Variants in SLIT1 observed in about 807,000 individuals in gnomAD.
SLIT1 encodes slit homolog 1 protein.
A neutral mutation model predicts 186.1 loss-of-function variants in SLIT1; 66 were observed. That is an observed-to-expected ratio of 0.35 (90% CI 0.29 to 0.44). SLIT1 has a LOEUF of 0.44. Ranked by LOEUF, SLIT1 falls within the 20% of genes least tolerant of loss-of-function variation. The pLI is 1.00. For synonymous variants in SLIT1, 761 were observed against 833.8 expected, an observed-to-expected ratio of 0.91 and a Z score of 1.50; for missense variants, 1,638 against 2,037.4, an observed-to-expected ratio of 0.80 and a Z score of 3.77.
At chr10:97,127,492 A>T (rs1849615349) in intron 4 of SLIT1, among the ~76,000 whole-genome samples, 1 of 152,138 alleles carries the variant, frequency 6.6e-6, no homozygotes, top group Non-Finnish European at 1.5e-5. Flanking sequence ...TAGGAAATGA[A>T]CTCAGGATCT....
intron 4 of SLIT1, among the ~76,000 whole-genome samples, chr10:97,121,898 A>G (rs938516589): frequency 1.3e-5 from 2 of 152,200 alleles, no homozygotes; most frequent in African/African-American, 4.8e-5. Context: ...GCGCTACCTG[A>G]TCATTGCTAT....
intron 1 of SLIT1, among the ~76,000 whole-genome samples, chr10:97,181,269 C>T (rs1399848162): frequency 6.6e-6 from 1 of 152,258 alleles, no homozygotes; most frequent in Non-Finnish European, 1.5e-5. Flanking sequence ...CCATGGTGGC[C>T]TGCTCAGATC....
chr10:97,059,965 T>C, intron 10 of SLIT1, 122 bp downstream of exon 10: 1 of 833,948 alleles, frequency 1.2e-6, no homozygotes, highest in Admixed American at 1.8e-5. Context: ...GAAGGTCAGG[T>C]GGCTGGCCAA....
At chr10:97,157,603 G>C (rs1589414919) in intron 4 of SLIT1, 1 of 568,410 alleles carries the variant, frequency 1.8e-6, no homozygotes. Context: ...ATGAACTGCG[G>C]GTTCTTCCAA....
At chr10:97,073,961 A>G (rs1849023262) in intron 4 of SLIT1, among the ~76,000 whole-genome samples, 1 of 151,056 alleles carries the variant, frequency 6.6e-6, no homozygotes, top group Non-Finnish European at 1.5e-5. Flanking sequence ...TGCCTGGGAT[A>G]CTCTTCCCTC....
intron 30 of SLIT1, among the ~76,000 whole-genome samples, chr10:97,012,416 A>G (rs1201165572): frequency 6.6e-6 from 1 of 152,196 alleles, no homozygotes. Context: ...ACAGCTGAAC[A>G]TGTCAGTTCC....
intron 4 of SLIT1, among the ~76,000 whole-genome samples, chr10:97,133,383 C>T (rs1237461939): frequency 1.1e-4 from 17 of 152,210 alleles, no homozygotes. Flanking sequence ...GAGACCCCAT[C>T]TCTAATATTT....
rs1564650380 is a variant in SLIT1, at chr10:97,001,096, C to G, written c.*16G>C. 1 of 1,607,392 alleles carries G rather than the reference C, an allele frequency of 6.2e-7. No individual in the cohort carries two copies. Among genetic ancestry groups the G allele is most frequent in the Non-Finnish European group, 8.5e-7 (1 of 1,175,878 alleles). On this transcript the variant is annotated 3_prime_UTR_variant, in exon 37 of 37. Coordinates refer to ENST00000266058, the MANE Select transcript of SLIT1 (RefSeq NM_003061.3). ...GGGCCCCTTGCCCGCCCTCACCGGCCTGTCCACGCCCAGCGCTATGCGCAG... is the reference window on the plus strand; with the variant it reads ...GGGCCCCTTGCCCGCCCTCACCGGCGTGTCCACGCCCAGCGCTATGCGCAG...
At chr10:97,150,462 G>C (rs1849864917) in intron 4 of SLIT1, among the ~76,000 whole-genome samples, 1 of 152,072 alleles carries the variant, frequency 6.6e-6, no homozygotes, top group Admixed American at 6.5e-5. Context: ...TCTTCAGCAG[G>C]GCTCCTGTGA....
At chr10:97,092,371 T>A (rs138270396) in intron 4 of SLIT1, among the ~76,000 whole-genome samples, 1 of 152,246 alleles carries the variant, frequency 6.6e-6, no homozygotes, top group Admixed American at 6.5e-5. Context: ...AGCACTTGCA[T>A]AGGTTAGCCT....
At position 97,000,118 on chromosome 10, in the gene SLIT1, G is replaced by A. The variant is rs758804853; in HGVS notation, c.*994C>T. ...GCCAGCAGGGACTTCCCAATGCCTG[G>A]AGCACTGTCCCTTCCACTGCTCCCT... On this transcript the variant is annotated 3_prime_UTR_variant, in exon 37 of 37. Transcript: ENST00000266058. 1.3e-5 allele frequency: 2 copies of A among 152,236 alleles called. No individual in the cohort carries two copies. Among genetic ancestry groups the A allele is most frequent in the Non-Finnish European group, 2.9e-5 (2 of 68,090 alleles). The allele number at this position is 152,236 out of a possible 1,614,324, so 9.4% of individuals were successfully genotyped here.
chr10:97,032,710 A>AT (rs1003791112), intron 23 of SLIT1, among the ~76,000 whole-genome samples: 3 of 152,096 alleles, frequency 2.0e-5, no homozygotes, highest in Non-Finnish European at 2.9e-5. Flanking sequence ...AACAAGGGAA[A>AT]TCACACTTGC....
chr10:97,132,887 A>G (rs1849667627), intron 4 of SLIT1, among the ~76,000 whole-genome samples: 1 of 152,180 alleles, frequency 6.6e-6, no homozygotes, highest in Non-Finnish European at 1.5e-5. Flanking sequence ...GCTACAGCCT[A>G]CATTGTCAGG....
intron 4 of SLIT1, among the ~76,000 whole-genome samples, chr10:97,111,189 C>CAAA (rs560287549): frequency 7.7e-6 from 1 of 129,698 alleles, no homozygotes; most frequent in Non-Finnish European, 1.6e-5. Context: ...GACTCTGTCT[C>CAAA]AAAAAAAAAA....
chr10:97,079,788 C>T (rs1849085187), intron 4 of SLIT1, among the ~76,000 whole-genome samples: 1 of 152,168 alleles, frequency 6.6e-6, no homozygotes, highest in South Asian at 2.1e-4. Flanking sequence ...GCTGCATCTT[C>T]CAGAGTCTCT....
At chr10:97,045,838 G>C (rs1436758554) in intron 18 of SLIT1, among the ~76,000 whole-genome samples, 1 of 152,248 alleles carries the variant, frequency 6.6e-6, no homozygotes, top group Non-Finnish European at 1.5e-5. Context: ...TCCTGCTGCA[G>C]ATTTGGGACT....
chr10:97,178,778 A>G lies in SLIT1; in HGVS notation c.197+6700T>C, dbSNP rs139234276. 3.7e-3 allele frequency among the ~76,000 whole-genome samples: 358 copies of G among 96,614 alleles called. 2 individuals carry two copies. Among genetic ancestry groups the G allele is most frequent in the African/African-American group, 0.012 (347 of 29,372 alleles). 63.4% of individuals were successfully genotyped at this position (96,614 alleles called of 152,430 possible). ...TATGAGTGTGTGCGATAGAGAGAAG[A>G]GAGAGAGAGAAAGTGTGTGTGTGTG... On this transcript the variant is annotated intron_variant, in intron 1 of 36. Coordinates refer to ENST00000266058, the MANE Select transcript of SLIT1 (RefSeq NM_003061.3).
intron 4 of SLIT1, among the ~76,000 whole-genome samples, chr10:97,134,495 T>C (rs1849683542): frequency 6.6e-6 from 1 of 151,684 alleles, no homozygotes; most frequent in Admixed American, 6.6e-5. Flanking sequence ...GCCGGCCGAG[T>C]CTCCATTCAA....
At chr10:97,181,574 G>A (rs1401753676) in intron 1 of SLIT1, among the ~76,000 whole-genome samples, 1 of 152,184 alleles carries the variant, frequency 6.6e-6, no homozygotes, top group Non-Finnish European at 1.5e-5. Context: ...GCTGGGCATG[G>A]TGGCTCATGC....
Sources: allele counts gnomAD v4.1 joint callset (sites outside exome capture counted in the v4.1 genomes callset), GRCh38; gene constraint gnomAD v4.1.1; transcripts MANE v1.5; gene names NCBI Gene and HGNC (gene_info 2026-07-23, HGNC 2026-07-21).